The following ATXN1 variants were observed in gnomAD, a reference collection of about 807,000 sequenced individuals.
ATXN1 encodes ataxin-1.
ATXN1 carries 8 observed loss-of-function variants against 56.4 expected under a neutral mutation model. The observed-to-expected ratio is 0.14, with a 90% CI of 0.08 to 0.26. The LOEUF (loss-of-function observed/expected upper bound fraction) is 0.26, where lower values mean the gene tolerates loss of function less well. ATXN1 is among the 10% of genes least tolerant of loss of function. The probability of loss-of-function intolerance (pLI) is 1.00; values close to 1 mark genes in which losing one functional copy is unlikely to be tolerated. For missense variants in ATXN1, 987 were observed against 1,106.5 expected, an observed-to-expected ratio of 0.89 and a Z score of 1.53; for synonymous variants, 514 against 494.6, an observed-to-expected ratio of 1.04 and a Z score of -0.52.
intron 3 of ATXN1, among the ~76,000 whole-genome samples, chr6:16,635,111 C>A (rs1374421072): frequency 6.6e-6 from 1 of 152,106 alleles, no homozygotes; most frequent in East Asian, 1.9e-4. Flanking sequence ...GTCAGGTCAG[C>A]AACGGCATGA....
At chr6:16,476,012 G>A (rs948715688) in intron 6 of ATXN1, among the ~76,000 whole-genome samples, 2 of 151,972 alleles carry the variant, frequency 1.3e-5, no homozygotes, top group Admixed American at 1.3e-4. Context: ...TGGGACTACA[G>A]GCATGCACCA....
intron 2 of ATXN1, among the ~76,000 whole-genome samples, chr6:16,658,299 T>C (rs1758247728): frequency 6.6e-6 from 1 of 152,224 alleles, no homozygotes; most frequent in African/African-American, 2.4e-5. Context: ...GAAGAAAGTT[T>C]GCTTCAAATG....
At position 16,341,620 on chromosome 6, in the gene ATXN1, A is replaced by G. The variant is rs183174692; in HGVS notation, c.-160-13150T>C. Among the ~76,000 whole-genome samples, 1,055 of 145,846 alleles carry G rather than the reference A, an allele frequency of 7.2e-3. 12 individuals are homozygous for G. Among genetic ancestry groups the G allele is most frequent in the Middle Eastern group, 0.025 (7 of 278 alleles). ...TGCAAGCTCCACCTCCCGGGTTCAC[A>G]CCATTCTCCTGCCTCAGCCTCCCGA... is the stretch of plus-strand genomic sequence containing the variant. On this transcript the variant is annotated intron_variant, in intron 6 of 7. Transcript: ENST00000436367.
chr6:16,347,493 A>AG (rs1761442899), intron 6 of ATXN1, among the ~76,000 whole-genome samples: 1 of 151,786 alleles, frequency 6.6e-6, no homozygotes, highest in Non-Finnish European at 1.5e-5. Context: ...CTTTATGTCT[A>AG]GCTAAGGGAT....
At chr6:16,438,826 G>A (rs896714067) in intron 6 of ATXN1, among the ~76,000 whole-genome samples, 3 of 152,132 alleles carry the variant, frequency 2.0e-5, no homozygotes, top group African/African-American at 7.2e-5. Flanking sequence ...TAAGGTAGTG[G>A]CTCTGTATAT....
At chr6:16,554,473 T>C (rs1761975487) in intron 4 of ATXN1, among the ~76,000 whole-genome samples, 1 of 152,140 alleles carries the variant, frequency 6.6e-6, no homozygotes, top group African/African-American at 2.4e-5. Flanking sequence ...TTTTTTGAGA[T>C]GGAGTTTGGT....
At position 16,549,771 on chromosome 6, in the gene ATXN1, C is replaced by T. The variant is rs146632732; in HGVS notation, c.-360-27083G>A. Among the ~76,000 whole-genome samples the T allele has an allele frequency of 3.3e-3, 497 of 151,994 alleles. 2 individuals carry two copies. Among genetic ancestry groups the T allele is most frequent in the Middle Eastern group, 6.8e-3 (2 of 294 alleles). ...AATTAGCAGGGCATGGAGGTGCATGCCCGTAATCCCAGCTACTCAGGAGGC... is the reference window on the plus strand; with the variant it reads ...AATTAGCAGGGCATGGAGGTGCATGTCCGTAATCCCAGCTACTCAGGAGGC... On this transcript the variant is annotated intron_variant, in intron 4 of 7. Transcript: ENST00000436367.
chr6:16,687,509 A>G (rs551642549), intron 2 of ATXN1, among the ~76,000 whole-genome samples: 27 of 149,302 alleles, frequency 1.8e-4, no homozygotes, highest in Non-Finnish European at 3.4e-4. Flanking sequence ...TTGTGTCCGC[A>G]AGAGGGAAAA....
chr6:16,692,239 G>A (rs1273032813), intron 2 of ATXN1, among the ~76,000 whole-genome samples: 1 of 152,212 alleles, frequency 6.6e-6, no homozygotes, highest in Non-Finnish European at 1.5e-5. Flanking sequence ...CTGGGCGACT[G>A]AGCGAGACTC....
intron 4 of ATXN1, among the ~76,000 whole-genome samples, chr6:16,546,743 A>T (rs917826320): frequency 1.3e-5 from 2 of 152,228 alleles, no homozygotes; most frequent in African/African-American, 4.8e-5. Context: ...AGCTGTTAGA[A>T]GCCATAAAGC....
Position 16,304,762 on chromosome 6 carries a change from C to G in ATXN1, c.*1567G>C, listed in dbSNP as rs1369203620. ...CCACAATGTTATTGGATAAAAACTG[C>G]AGGAATATCACACAAGTTATAAACT... On this transcript the variant is annotated 3_prime_UTR_variant, in exon 8 of 8. Transcript: ENST00000436367. 2.0e-5 allele frequency: 3 copies of G among 152,648 alleles called. No individual in the cohort carries two copies. The allele number at this position is 152,648 out of a possible 1,614,324, so 9.5% of individuals were successfully genotyped here.
At chr6:16,596,607 C>T (rs1417337811) in intron 3 of ATXN1, among the ~76,000 whole-genome samples, 4 of 152,168 alleles carry the variant, frequency 2.6e-5, no homozygotes, top group Non-Finnish European at 5.9e-5. Flanking sequence ...ATTATCCTTT[C>T]AGGAGAAATA....
rs76863558 is a variant in ATXN1 at position 16,483,827 on chromosome 6, T to C, written c.-161+2145A>G. 8.8e-3 allele frequency among the ~76,000 whole-genome samples: 1,341 copies of C among 152,362 alleles called. 11 individuals carry two copies. The highest frequency in any genetic ancestry group is 0.015 in the Non-Finnish European group (1,053 of 68,030). Reference sequence around the variant, plus strand: ...GAAACAAAAGCTATCTTGATTATGGTAACTGCATGAGTTATTTAAATAGAG... The same window carrying C: ...GAAACAAAAGCTATCTTGATTATGGCAACTGCATGAGTTATTTAAATAGAG... On this transcript the variant is annotated intron_variant, in intron 6 of 7. Coordinates refer to ENST00000436367, the MANE Select transcript of ATXN1 (RefSeq NM_001128164.2).
chr6:16,584,632 G>GAC (rs965796344), intron 4 of ATXN1, among the ~76,000 whole-genome samples: 14 of 144,318 alleles, frequency 9.7e-5, no homozygotes, highest in African/African-American at 3.8e-4. Flanking sequence ...ACTTACAAAT[G>GAC]ACCCCCCCCA....
chr6:16,497,424 C>T (rs1760801401), intron 5 of ATXN1, among the ~76,000 whole-genome samples: 1 of 152,160 alleles, frequency 6.6e-6, no homozygotes, highest in South Asian at 2.1e-4. Flanking sequence ...TTAGACCGTT[C>T]TGTGGGCTTG....
chr6:16,750,388 A>G (rs891362150), intron 2 of ATXN1, among the ~76,000 whole-genome samples: 2 of 152,248 alleles, frequency 1.3e-5, no homozygotes, highest in Admixed American at 6.5e-5. Context: ...TATCATATTT[A>G]TAAAATAACT....
At chr6:16,610,130 G>C (rs781249043) in intron 3 of ATXN1, among the ~76,000 whole-genome samples, 5 of 152,046 alleles carry the variant, frequency 3.3e-5, no homozygotes, top group African/African-American at 9.7e-5. Context: ...AATGGATACA[G>C]GAGACAAAGT....
intron 6 of ATXN1, among the ~76,000 whole-genome samples, chr6:16,459,293 G>T (rs1230181886): frequency 1.3e-5 from 2 of 152,110 alleles, no homozygotes; most frequent in Non-Finnish European, 2.9e-5. Flanking sequence ...GGCAAAAAAT[G>T]CCCACCCAGT....
chr6:16,343,471 C>T (rs547768379), intron 6 of ATXN1, among the ~76,000 whole-genome samples: 2 of 152,316 alleles, frequency 1.3e-5, no homozygotes, highest in African/African-American at 4.8e-5. Context: ...GAGATACCTG[C>T]TGGCATTAGC....
Sources: allele counts gnomAD v4.1 joint callset (sites outside exome capture counted in the v4.1 genomes callset), GRCh38; gene constraint gnomAD v4.1.1; transcripts MANE v1.5; gene names NCBI Gene and HGNC (gene_info 2026-07-23, HGNC 2026-07-21).